The following VWA8 variants were observed in gnomAD, a reference collection of about 807,000 sequenced individuals.
VWA8 encodes von Willebrand factor A domain containing 8, also known as von Willebrand factor A domain-containing protein 8.
In VWA8, 221 loss-of-function variants were observed where a neutral mutation model predicts 241.5. The observed-to-expected ratio is 0.91, with a 90% CI of 0.82 to 1.02. The LOEUF is 1.02. Among genes scored for constraint, VWA8 ranks in the 50% least tolerant of loss-of-function variants. The probability of loss-of-function intolerance (pLI) is 0.00; values close to 1 mark genes in which losing one functional copy is unlikely to be tolerated. For missense variants in VWA8, 2,322 were observed against 2,328.7 expected (o/e 1.00, Z 0.06); for synonymous variants, 852 against 827.1 (o/e 1.03, Z -0.52).
At chr13:41,819,443 T>A in intron 14 of VWA8, 57 bp from the exon 15 acceptor site, 1 of 1,536,674 alleles carries the variant, frequency 6.5e-7, no homozygotes, top group Non-Finnish European at 8.7e-7. Context: ...AGAAATCAGA[T>A]CATGGTAACT....
chr13:41,897,150 C>T (rs1436534352), intron 4 of VWA8, among the ~76,000 whole-genome samples: 1 of 151,770 alleles, frequency 6.6e-6, no homozygotes, highest in Non-Finnish European at 1.5e-5. Flanking sequence ...CTTTCCAGGA[C>T]TAAGCGAATA....
intron 12 of VWA8, among the ~76,000 whole-genome samples, chr13:41,863,911 ACC>A (rs2138047045): frequency 6.6e-6 from 1 of 152,220 alleles, no homozygotes; most frequent in Non-Finnish European, 1.5e-5. Context: ...CATACAATTT[ACC>A]CATGTAAATT....
chr13:41,769,273 G>C (rs2045801648), intron 20 of VWA8, among the ~76,000 whole-genome samples: 1 of 152,184 alleles, frequency 6.6e-6, no homozygotes, highest in South Asian at 2.1e-4. Flanking sequence ...AGGGATTATT[G>C]TTAATTTGTT....
intron 19 of VWA8, among the ~76,000 whole-genome samples, chr13:41,781,878 A>G (rs773399792): frequency 2.0e-5 from 3 of 152,244 alleles, no homozygotes; most frequent in Admixed American, 6.5e-5. Flanking sequence ...CCTTAGTGAT[A>G]TGGAAAACAC....
At chr13:41,933,150 C>A (rs1206170416) in intron 2 of VWA8, among the ~76,000 whole-genome samples, 1 of 151,832 alleles carries the variant, frequency 6.6e-6, no homozygotes, top group East Asian at 1.9e-4. Flanking sequence ...CCTCAAGATT[C>A]AAGATTAGTA....
intron 2 of VWA8, 97 bp downstream of exon 2, chr13:41,949,839 A>T: frequency 1.7e-6 from 1 of 588,920 alleles, no homozygotes; most frequent in Non-Finnish European, 2.8e-6. Context: ...TAAAATCATT[A>T]GGTTTATACT....
intron 18 of VWA8, among the ~76,000 whole-genome samples, chr13:41,784,721 T>C (rs376499987): frequency 1.1e-3 from 71 of 64,558 alleles, no homozygotes; most frequent in East Asian, 3.1e-3. Flanking sequence ...TATATATATA[T>C]ATATATATAC....
chr13:41,767,651 A>C (rs2045788419), intron 20 of VWA8, among the ~76,000 whole-genome samples: 1 of 152,236 alleles, frequency 6.6e-6, no homozygotes, highest in African/African-American at 2.4e-5. Context: ...GTCAGAAGTC[A>C]GATTAGAAAA....
intron 37 of VWA8, among the ~76,000 whole-genome samples, chr13:41,651,623 TA>T (rs779655992): frequency 1.6e-4 from 25 of 152,358 alleles, no homozygotes; most frequent in South Asian, 4.1e-4. Context: ...AATAAAACTT[TA>T]TGGACACCAA....
chr13:41,883,684 A>T (rs1566493793), intron 8 of VWA8, among the ~76,000 whole-genome samples, 193 bp from the exon 9 acceptor site: 1 of 152,074 alleles, frequency 6.6e-6, no homozygotes, highest in Non-Finnish European at 1.5e-5. Context: ...GGGTAAGCTT[A>T]CCCATTCCCA....
At chr13:41,937,903 G>T (rs1414268458) in intron 2 of VWA8, among the ~76,000 whole-genome samples, 1 of 152,174 alleles carries the variant, frequency 6.6e-6, no homozygotes, top group Non-Finnish European at 1.5e-5. Flanking sequence ...GCTCACACCT[G>T]TAATCCCAGC....
chr13:41,711,634 G>A (rs1207179569), intron 26 of VWA8, among the ~76,000 whole-genome samples: 1 of 152,162 alleles, frequency 6.6e-6, no homozygotes, highest in African/African-American at 2.4e-5. Context: ...CAGCACTTTG[G>A]GAGGCCAAGG....
intron 29 of VWA8, among the ~76,000 whole-genome samples, chr13:41,697,334 C>A (rs1418832209): frequency 6.6e-6 from 1 of 152,158 alleles, no homozygotes. Context: ...CACAGAGCAC[C>A]CAGAGAAATC....
intron 2 of VWA8, among the ~76,000 whole-genome samples, chr13:41,944,997 TG>T (rs1305723625): frequency 6.6e-6 from 1 of 152,164 alleles, no homozygotes; most frequent in East Asian, 1.9e-4. Context: ...TGGAAGGCCA[TG>T]CATATATTCA....
intron 20 of VWA8, among the ~76,000 whole-genome samples, chr13:41,772,436 T>C (rs2045831098): frequency 7.1e-6 from 1 of 141,094 alleles, no homozygotes; most frequent in South Asian, 2.5e-4. Flanking sequence ...AGTCATACTG[T>C]GACAAAAAAA....
In VWA8 at chr13:41,643,748, A is replaced by G. The variant is rs916312436; in HGVS notation, c.4611+27198T>C. On this transcript the variant is annotated intron_variant, in intron 37 of 44. Coordinates refer to ENST00000379310, the MANE Select transcript of VWA8 (RefSeq NM_015058.2). ...GAGCTGAAAGTCACACAATGCTCAC[A>G]TCACCAACACCAGGCTCTAAAGAAG... is the stretch of plus-strand genomic sequence containing the variant. Among the ~76,000 whole-genome samples, 6 of 152,102 alleles carry G rather than the reference A, an allele frequency of 3.9e-5. No individual in the cohort carries two copies. In the East Asian group the frequency reaches 9.7e-4, roughly 24 times the overall value.
chr13:41,880,633 G>A (rs1203684230), intron 9 of VWA8, among the ~76,000 whole-genome samples: 1 of 152,138 alleles, frequency 6.6e-6, no homozygotes, highest in Non-Finnish European at 1.5e-5. Context: ...TGTCTTTCAT[G>A]TCTGAACAGT....
chr13:41,883,131 C>CTTATT (rs1874343539), intron 9 of VWA8, among the ~76,000 whole-genome samples: 1 of 152,082 alleles, frequency 6.6e-6, no homozygotes, highest in African/African-American at 2.4e-5. Context: ...AATCTATTTA[C>CTTATT]TTATTTGCTC....
intron 19 of VWA8, among the ~76,000 whole-genome samples, chr13:41,782,209 C>G (rs1303336571): frequency 1.3e-5 from 2 of 152,194 alleles, no homozygotes; most frequent in East Asian, 3.8e-4. Flanking sequence ...CCTAAATGTC[C>G]ATGTCACAAA....
Sources: gnomAD v4.1 joint callset for allele counts (sites outside exome capture counted in the v4.1 genomes callset) on GRCh38, gnomAD v4.1.1 for gene constraint, MANE v1.5 for transcripts, NCBI Gene and HGNC (gene_info 2026-07-23, HGNC 2026-07-21) for gene names.